DLGAP2: variants seen among roughly 807,000 people sequenced by gnomAD.
DLGAP2 encodes DLG associated protein 2, also known as disks large-associated protein 2.
In DLGAP2, 26 loss-of-function variants were observed where a neutral mutation model predicts 100.3. The observed-to-expected ratio is 0.26, with a 90% CI of 0.19 to 0.36. The LOEUF is 0.36. DLGAP2 is among the 10% of genes least tolerant of loss of function. The pLI, the probability that DLGAP2 is intolerant of heterozygous loss-of-function variation, is 1.00. For synonymous variants in DLGAP2, 886 were observed against 630.1 expected, an observed-to-expected ratio of 1.41 and a Z score of -6.08; for missense variants, 1,858 against 1,453.2, an observed-to-expected ratio of 1.28 and a Z score of -4.53.
chr8:1,268,737 G>C (rs1346597131), intron 3 of DLGAP2, among the ~76,000 whole-genome samples: 2 of 152,156 alleles, frequency 1.3e-5, no homozygotes, highest in Non-Finnish European at 2.9e-5. Context: ...CTTACTACTT[G>C]TTTCTTTAAA....
At chr8:967,615 T>G (rs2129011508) in intron 2 of DLGAP2, among the ~76,000 whole-genome samples, 1 of 150,756 alleles carries the variant, frequency 6.6e-6, no homozygotes, top group East Asian at 2.0e-4. Context: ...CAATGCACAA[T>G]TTGACTTAAA....
intron 3 of DLGAP2, among the ~76,000 whole-genome samples, chr8:1,414,326 C>G (rs1474588436): frequency 6.6e-6 from 1 of 152,186 alleles, no homozygotes; most frequent in Non-Finnish European, 1.5e-5. Context: ...ATGAGGCCAA[C>G]AAGTCTGAAG....
chr8:1,494,044 G>GGT lies in DLGAP2; in HGVS notation c.107-7321_107-7320insTG, dbSNP rs1554483496. On this transcript the variant is annotated intron_variant, in intron 3 of 14. Transcript: ENST00000637795. ...GCCCCTGCCCTCCCATTCTGCATCG[G>GGT]GGGGGGCAGTAGGATGAACCCATAA... Among the ~76,000 whole-genome samples the GGT allele has an allele frequency of 8.7e-3, 247 of 28,230 alleles. 1 individual carries two copies. In the East Asian group the frequency reaches 0.11, roughly 13 times the overall value. The allele number at this position is 28,230 out of a possible 152,430, so 18.5% of individuals were successfully genotyped here.
intron 2 of DLGAP2, among the ~76,000 whole-genome samples, chr8:938,564 C>A (rs1280791550): frequency 2.6e-5 from 4 of 152,196 alleles, no homozygotes; most frequent in Non-Finnish European, 5.9e-5. Flanking sequence ...CCTACAAGGG[C>A]CTCCCCTGCT....
intron 13 of DLGAP2, among the ~76,000 whole-genome samples, chr8:1,692,748 G>A (rs917116924): frequency 6.6e-6 from 1 of 152,056 alleles, no homozygotes; most frequent in African/African-American, 2.4e-5. Flanking sequence ...ATAGTCGGTA[G>A]TGAAACGAAT....
intron 3 of DLGAP2, among the ~76,000 whole-genome samples, chr8:1,464,170 ACAGCACCCG>A (rs1798541076): frequency 1.5e-5 from 2 of 129,396 alleles, no homozygotes; most frequent in Admixed American, 8.0e-5. Flanking sequence ...CCCTTCCAGG[ACAGCACCCG>A]TCCAGGACAG....
chr8:1,182,364 C>T lies in DLGAP2; in HGVS notation c.74-76487C>T, dbSNP rs546161009. Among the ~76,000 whole-genome samples, 7 of 152,370 alleles carry T rather than the reference C, an allele frequency of 4.6e-5. No individual in the cohort carries two copies. The East Asian group carries it at 9.6e-4, about 21-fold the overall frequency. On this transcript the variant is annotated intron_variant, in intron 2 of 14. Coordinates refer to ENST00000637795, the MANE Select transcript of DLGAP2 (RefSeq NM_001346810.2). ...CCGTGTGGGATGCCAGGTGGCTGGA[C>T]TGAGAGTTGGCCCTTGTGACCCCAA...
chr8:1,178,472 G>A (rs750690458), intron 2 of DLGAP2, among the ~76,000 whole-genome samples: 3 of 152,060 alleles, frequency 2.0e-5, no homozygotes, highest in Admixed American at 6.5e-5. Context: ...AATAATAGAC[G>A]TCCTTATTAA....
chr8:1,626,009 C>G (rs1330907026), intron 6 of DLGAP2, among the ~76,000 whole-genome samples: 1 of 147,254 alleles, frequency 6.8e-6, no homozygotes, highest in Non-Finnish European at 1.5e-5. Flanking sequence ...CGGCTGTTCC[C>G]ATCTCTACCC....
intron 3 of DLGAP2, among the ~76,000 whole-genome samples, chr8:1,360,322 T>C (rs977657667): frequency 6.9e-6 from 1 of 145,434 alleles, no homozygotes; most frequent in Non-Finnish European, 1.5e-5. Flanking sequence ...GGGGCGGGGC[T>C]TCTCCAGGAC....
intron 2 of DLGAP2, among the ~76,000 whole-genome samples, chr8:1,020,628 G>A (rs887962826): frequency 1.3e-5 from 2 of 152,238 alleles, no homozygotes; most frequent in Non-Finnish European, 2.9e-5. Context: ...AGCGATGGTG[G>A]TGAGCACACT....
chr8:1,552,633 A>C (rs539326762), intron 5 of DLGAP2, among the ~76,000 whole-genome samples: 43 of 152,362 alleles, frequency 2.8e-4, no homozygotes, highest in African/African-American at 1.0e-3. Context: ...CGCAGCCAGG[A>C]AACAGGGAAA....
intron 3 of DLGAP2, among the ~76,000 whole-genome samples, chr8:1,263,327 T>C (rs1056750854): frequency 6.6e-6 from 1 of 152,340 alleles, no homozygotes; most frequent in South Asian, 2.1e-4. Flanking sequence ...TTTCTAAATC[T>C]GTTTTCATTT....
chr8:902,123 G>A (rs781656877), intron 1 of DLGAP2, among the ~76,000 whole-genome samples: 1 of 152,230 alleles, frequency 6.6e-6, no homozygotes, highest in Non-Finnish European at 1.5e-5. Context: ...ACACAGGCTG[G>A]ACTGAGGCTG....
chr8:1,214,978 G>A (rs1248077317), intron 2 of DLGAP2, among the ~76,000 whole-genome samples: 2 of 152,190 alleles, frequency 1.3e-5, no homozygotes, highest in African/African-American at 4.8e-5. Flanking sequence ...CTCGTTTCGG[G>A]AGAGCACTCT....
At chr8:1,454,150 C>T (rs998798970) in intron 3 of DLGAP2, among the ~76,000 whole-genome samples, 3 of 152,130 alleles carry the variant, frequency 2.0e-5, no homozygotes, top group South Asian at 2.1e-4. Context: ...GGATGGGGTT[C>T]GGGTCTTCGC....
chr8:1,643,403 G>A (rs1161138362), intron 8 of DLGAP2, among the ~76,000 whole-genome samples: 1 of 21,252 alleles, frequency 4.7e-5, no homozygotes, highest in Non-Finnish European at 7.5e-5. Flanking sequence ...CGACCCCGCC[G>A]GCCCTCACCT....
chr8:1,668,594 C>G lies in DLGAP2; in HGVS notation c.2076C>G (p.Ser692Arg), dbSNP rs758018335. Residue 692 changes from serine to arginine, a missense_variant, in exon 9 of 15, where the codon AGC becomes AGG. Coordinates refer to ENST00000637795, the MANE Select transcript of DLGAP2 (RefSeq NM_001346810.2). ...AQRHLPESQS[S>R]SVRTSDKAIL... is the part of the protein sequence containing the mutation. ...GCCACCTGCCAGAGAGCCAGAGCAG[C>G]TCTGTGCGGACCAGCGACAAGGCCA... 1 of 1,599,142 alleles carries G rather than the reference C, an allele frequency of 6.3e-7. No individual in the cohort carries two copies.
chr8:1,267,174 G>C (rs1799470072), intron 3 of DLGAP2, among the ~76,000 whole-genome samples: 2 of 151,784 alleles, frequency 1.3e-5, no homozygotes, highest in African/African-American at 4.8e-5. Flanking sequence ...GGAGCTTGCA[G>C]TGAGCCAAGA....
Sources: gnomAD v4.1 joint callset for allele counts (sites outside exome capture counted in the v4.1 genomes callset) on GRCh38, gnomAD v4.1.1 for gene constraint, MANE v1.5 for transcripts, NCBI Gene and HGNC (gene_info 2026-07-23, HGNC 2026-07-21) for gene names.